Variants in RYR2 observed in about 807,000 individuals in gnomAD.
RYR2 encodes ryanodine receptor 2.
A neutral mutation model predicts 601.1 loss-of-function variants in RYR2; 227 were observed. The observed-to-expected ratio is 0.38, with a 90% confidence interval of 0.34 to 0.42. The LOEUF is 0.42. Among genes scored for constraint, RYR2 ranks in the 10% least tolerant of loss-of-function variants. The pLI is 1.00. For missense variants in RYR2, 4,646 were observed against 6,156.5 expected (o/e 0.75, Z 8.21); for synonymous variants, 2,223 against 2,175.1 (o/e 1.02, Z -0.61).
chr1:237,168,714 GC>G (rs11323820), intron 1 of RYR2, among the ~76,000 whole-genome samples: 140,906 of 152,206 alleles, frequency 0.93, 65,906 homozygotes, highest in Non-Finnish European at 0.99. Flanking sequence ...AAATGTGTGT[GC>G]CGGCATAAAG....
intron 62 of RYR2, among the ~76,000 whole-genome samples, chr1:237,681,713 C>G (rs547043947): frequency 6.6e-6 from 1 of 152,304 alleles, no homozygotes; most frequent in African/African-American, 2.4e-5. Context: ...CACCCCTTCC[C>G]ACTTGAACAT....
chr1:237,719,838 G>T (rs978578642), intron 73 of RYR2, among the ~76,000 whole-genome samples: 1 of 151,604 alleles, frequency 6.6e-6, no homozygotes, highest in Non-Finnish European at 1.5e-5. Flanking sequence ...GATCAACTCA[G>T]CTCCCACCAG....
intron 96 of RYR2, among the ~76,000 whole-genome samples, chr1:237,796,104 T>A (rs1659193627): frequency 6.6e-6 from 1 of 151,852 alleles, no homozygotes; most frequent in African/African-American, 2.4e-5. Context: ...AGTGTTTTGT[T>A]CCCTCGTGAC....
intron 21 of RYR2, among the ~76,000 whole-genome samples, chr1:237,502,907 A>G (rs186162706): frequency 6.6e-6 from 1 of 151,298 alleles, no homozygotes; most frequent in Non-Finnish European, 1.5e-5. Context: ...TTTTAAGCAT[A>G]TAGATATTTA....
intron 102 of RYR2, among the ~76,000 whole-genome samples, chr1:237,828,933 C>A (rs972652403): frequency 3.3e-5 from 5 of 152,100 alleles, no homozygotes; most frequent in African/African-American, 4.8e-5. Context: ...ACCTCCCAAC[C>A]CCTTCTCCCA....
At chr1:237,243,085 A>G (rs563753861) in intron 1 of RYR2, among the ~76,000 whole-genome samples, 35 of 148,852 alleles carry the variant, frequency 2.4e-4, no homozygotes, top group African/African-American at 8.1e-4. Context: ...TCCAACTGCT[A>G]TTTTCCCCTG....
intron 70 of RYR2, among the ~76,000 whole-genome samples, chr1:237,710,621 G>T (rs1688749792): frequency 6.6e-6 from 1 of 151,644 alleles, no homozygotes; most frequent in Non-Finnish European, 1.5e-5. Flanking sequence ...ACTCATGTTT[G>T]GGGGATGCAA....
chr1:237,297,852 G>T (rs1250899565), intron 2 of RYR2, among the ~76,000 whole-genome samples: 1 of 151,564 alleles, frequency 6.6e-6, no homozygotes, highest in Non-Finnish European at 1.5e-5. Flanking sequence ...CCAAGCACAG[G>T]TGATTCTCCC....
chr1:237,100,390 C>CCTCTCT (rs34925489), intron 1 of RYR2, among the ~76,000 whole-genome samples: 14 of 146,222 alleles, frequency 9.6e-5, no homozygotes, highest in South Asian at 4.5e-4. Context: ...TTTTTTCTTT[C>CCTCTCT]CTCTCTCTCT....
At chr1:237,651,967 G>A (rs927005591) in intron 51 of RYR2, among the ~76,000 whole-genome samples, 8 of 152,168 alleles carry the variant, frequency 5.3e-5, no homozygotes, top group African/African-American at 1.9e-4. Context: ...AACCCGGGAG[G>A]TGGAGCTTGC....
chr1:237,114,291 C>G lies in RYR2; in HGVS notation c.48+71722C>G, dbSNP rs536921654. On this transcript the variant is annotated intron_variant, in intron 1 of 104. Transcript: ENST00000366574. ...TTTTTTCTTCCTACTTATTGAAAAC[C>G]CTGTTAAATTTGATATGTGTAATAT... Among the ~76,000 whole-genome samples the G allele has an allele frequency of 1.5e-3, 231 of 152,202 alleles. 1 individual carries two copies. Among genetic ancestry groups the G allele is most frequent in the African/African-American group, 5.3e-3 (219 of 41,502 alleles).
rs1036626923 is a variant in RYR2 at position 237,042,652 on chromosome 1, G to C, written c.48+83G>C. 9 of 1,221,930 alleles carry C rather than the reference G, an allele frequency of 7.4e-6. No individual in the cohort carries two copies. The South Asian group carries it at 3.3e-4, about 45-fold the overall frequency. The allele number at this position is 1,221,930 out of a possible 1,614,324, so 75.7% of individuals were successfully genotyped here. A position where few individuals can be genotyped will look rare whatever the true frequency, so the allele number is the denominator to read the frequency against. ...GCGGGGTCCGGGCAGAGTGACAGCGGGCAGCGGGGACTCGCGGGCGGGGCG... is the reference window on the plus strand; with the variant it reads ...GCGGGGTCCGGGCAGAGTGACAGCGCGCAGCGGGGACTCGCGGGCGGGGCG... On this transcript the variant is annotated intron_variant, in intron 1 of 104. Transcript: ENST00000366574.
chr1:237,377,497 A>T (rs919162855), intron 8 of RYR2, 62 bp downstream of exon 8: 1 of 1,261,626 alleles, frequency 7.9e-7, no homozygotes, highest in Non-Finnish European at 1.2e-6. Context: ...CAATAAAATG[A>T]TCTCTTTAAG....
At chr1:237,409,633 G>T (rs959396997) in intron 10 of RYR2, among the ~76,000 whole-genome samples, 4 of 152,136 alleles carry the variant, frequency 2.6e-5, no homozygotes, top group Admixed American at 2.0e-4. Flanking sequence ...AATAACTACT[G>T]ATTTTTGAAG....
At chr1:237,801,064 G>T (rs1297962633) in intron 97 of RYR2, among the ~76,000 whole-genome samples, 1 of 152,052 alleles carries the variant, frequency 6.6e-6, no homozygotes, top group Non-Finnish European at 1.5e-5. Flanking sequence ...CAATTTAAAA[G>T]CTCTTTCATT....
rs553601050 is a variant in RYR2 at position 237,701,964 on chromosome 1, C to G, written c.9368-14C>G. 6.6e-7 allele frequency: 1 copy of G among 1,520,520 alleles called. No homozygotes were observed. Among genetic ancestry groups the G allele is most frequent in the South Asian group, 1.1e-5 (1 of 87,910 alleles). The allele number at this position is 1,520,520 out of a possible 1,614,324, so 94.2% of individuals were successfully genotyped here. A position where few individuals can be genotyped will look rare whatever the true frequency, so the allele number is the denominator to read the frequency against. On this transcript the variant is annotated splice_polypyrimidine_tract_variant and intron_variant, in intron 65 of 104. Transcript: ENST00000366574. Reference sequence around the variant, plus strand: ...GTGGGTTTTTCTTTCAAGTGAGATTCTCTTTTTCCTTAGTGGAAGATGTCC... The same window carrying G: ...GTGGGTTTTTCTTTCAAGTGAGATTGTCTTTTTCCTTAGTGGAAGATGTCC...
intron 1 of RYR2, among the ~76,000 whole-genome samples, chr1:237,192,944 G>T (rs1264454687): frequency 1.3e-5 from 2 of 151,980 alleles, no homozygotes; most frequent in Non-Finnish European, 2.9e-5. Flanking sequence ...GTGTTTTTCA[G>T]TATCCTTCCG....
At chr1:237,063,602 A>C (rs985756708) in intron 1 of RYR2, among the ~76,000 whole-genome samples, 4 of 150,798 alleles carry the variant, frequency 2.7e-5, no homozygotes. Flanking sequence ...ACACACATAC[A>C]CACTCTCTCT....
intron 1 of RYR2, among the ~76,000 whole-genome samples, chr1:237,053,750 A>G (rs1470787848): frequency 2.0e-5 from 3 of 152,154 alleles, no homozygotes; most frequent in Non-Finnish European, 2.9e-5. Flanking sequence ...CAAATATTCT[A>G]CTACACAGTG....
Sources: gnomAD v4.1 joint callset for allele counts (sites outside exome capture counted in the v4.1 genomes callset) on GRCh38, gnomAD v4.1.1 for gene constraint, MANE v1.5 for transcripts, NCBI Gene and HGNC (gene_info 2026-07-23, HGNC 2026-07-21) for gene names.